The following EPS15L1 variants were observed in gnomAD, a reference collection of about 807,000 sequenced individuals.
The protein encoded by EPS15L1 is epidermal growth factor receptor pathway substrate 15 like 1.
A neutral mutation model predicts 117.1 loss-of-function variants in EPS15L1; 43 were observed. That is an observed-to-expected ratio of 0.37 (90% CI 0.29 to 0.47). The LOEUF (loss-of-function observed/expected upper bound fraction) is 0.47, where lower values mean the gene tolerates loss of function less well. Among genes scored for constraint, EPS15L1 ranks in the 20% least tolerant of loss-of-function variants. The pLI is 0.99. For synonymous variants in EPS15L1, 459 were observed against 470.5 expected (o/e 0.98, Z 0.32); for missense variants, 981 against 1,164.0 (o/e 0.84, Z 2.29).
At chr19:16,367,151 C>T (rs1457917517) in intron 22 of EPS15L1, among the ~76,000 whole-genome samples, 1 of 151,508 alleles carries the variant, frequency 6.6e-6, no homozygotes, top group Non-Finnish European at 1.5e-5. Flanking sequence ...GGTATAGAAA[C>T]ATCTGGGAAT....
chr19:16,383,746 C>T lies in EPS15L1; in HGVS notation c.2247+1383G>A, dbSNP rs928514612. 1 of 152,420 alleles carries T rather than the reference C, an allele frequency of 6.6e-6. No individual in the cohort carries two copies. Among genetic ancestry groups the T allele is most frequent in the South Asian group, 2.1e-4 (1 of 4,832 alleles). The allele number at this position is 152,420 out of a possible 1,614,324, so 9.4% of individuals were successfully genotyped here. On this transcript the variant is annotated intron_variant, in intron 21 of 23. Transcript: ENST00000455140. The surrounding 1 kb of genome is among the most constrained non-coding windows in gnomAD (Gnocchi z 5.2). ...CCTGAACAGAATCTCAAGTGCTTCT[C>T]GGAATCTGTGTTCTGTGATCACAAG...
intron 1 of EPS15L1, among the ~76,000 whole-genome samples, chr19:16,456,572 G>A (rs370094877): frequency 1.3e-4 from 19 of 151,246 alleles, no homozygotes; most frequent in East Asian, 4.0e-4. Flanking sequence ...CGGGAGAACC[G>A]CTTGAACCCA....
At chr19:16,450,726 A>G (rs889668390) in intron 1 of EPS15L1, among the ~76,000 whole-genome samples, 21 of 150,018 alleles carry the variant, frequency 1.4e-4, no homozygotes, top group African/African-American at 4.4e-4. Context: ...CAGGTGATCC[A>G]CCCGCCTCAG....
rs1272168217 is a variant in EPS15L1 at position 16,433,748 on chromosome 19, G to A, written c.498+617C>T. 2.0e-5 allele frequency among the ~76,000 whole-genome samples: 3 copies of A among 151,846 alleles called. 1 individual carries two copies. Among genetic ancestry groups the A allele is most frequent in the South Asian group, 4.2e-4 (2 of 4,810 alleles). On this transcript the variant is annotated intron_variant, in intron 7 of 23. Coordinates refer to ENST00000455140, the MANE Select transcript of EPS15L1 (RefSeq NM_001258374.3). ...TTGGGAGGCCGAGGCGGGTGAATCT[G>A]AGATAGGAGTTTGGGACCAGCCTGG... is the stretch of plus-strand genomic sequence containing the variant.
intron 1 of EPS15L1, among the ~76,000 whole-genome samples, chr19:16,454,819 C>CT (rs538990101): frequency 0.083 from 11,917 of 143,488 alleles, 565 homozygotes; most frequent in Non-Finnish European, 0.11. Context: ...TTTCTTTTTT[C>CT]TTTTTTTTTT....
chr19:16,464,692 T>G (rs1435572063), intron 1 of EPS15L1, among the ~76,000 whole-genome samples: 1 of 152,126 alleles, frequency 6.6e-6, no homozygotes, highest in South Asian at 2.1e-4. Context: ...TTGGCTTCCC[T>G]GGGCCACACT....
At chr19:16,411,026 T>A (rs995625576) in intron 13 of EPS15L1, among the ~76,000 whole-genome samples, 1 of 152,092 alleles carries the variant, frequency 6.6e-6, no homozygotes, top group Non-Finnish European at 1.5e-5. Context: ...TGATGCTGAG[T>A]GGAAGAAGCC....
chr19:16,416,601 CA>C (rs1001772939), intron 12 of EPS15L1, among the ~76,000 whole-genome samples: 2 of 151,058 alleles, frequency 1.3e-5, no homozygotes, highest in Non-Finnish European at 2.9e-5. Context: ...CACACCACTG[CA>C]CTCCAGCCTA....
chr19:16,358,691 C>T (rs1281354086), intron 23 of EPS15L1, among the ~76,000 whole-genome samples: 1 of 152,234 alleles, frequency 6.6e-6, no homozygotes, highest in Non-Finnish European at 1.5e-5. Context: ...CCGGGAGGCG[C>T]CCGGCACCTG....
rs1459260023 is a variant in EPS15L1, at chr19:16,355,445, C to T, written c.*260G>A. ...TGTGTGTTCGTCCCCAGAGGAAGAG[C>T]GGGAGGCAGTCAGCCCCGGGGGGGA... On this transcript the variant is annotated 3_prime_UTR_variant, in exon 24 of 24. Transcript: ENST00000455140. The T allele has an allele frequency of 4.5e-6, 2 of 444,188 alleles. No homozygotes were observed. The highest frequency in any genetic ancestry group is 2.0e-5 in the African/African-American group (1 of 51,250). The allele number at this position is 444,188 out of a possible 1,614,324, so 27.5% of individuals were successfully genotyped here.
chr19:16,447,274 C>T (rs577104394), intron 1 of EPS15L1, among the ~76,000 whole-genome samples: 1 of 152,252 alleles, frequency 6.6e-6, no homozygotes, highest in East Asian at 1.9e-4. Context: ...CCAACTGCTC[C>T]ATCAGAGGTT....
At chr19:16,391,913 G>A (rs73931909) in intron 19 of EPS15L1, among the ~76,000 whole-genome samples, 5,160 of 152,136 alleles carry the variant, frequency 0.034, 316 homozygotes, top group African/African-American at 0.12. Context: ...GGGTGGCCGG[G>A]TCCATGCGAG....
At chr19:16,409,123 C>A (rs2092683679) in intron 13 of EPS15L1, among the ~76,000 whole-genome samples, 1 of 152,122 alleles carries the variant, frequency 6.6e-6, no homozygotes, top group African/African-American at 2.4e-5. Context: ...CCTAGCTACT[C>A]AGGAAGCTGA....
chr19:16,374,649 G>A (rs1372685485), intron 22 of EPS15L1, among the ~76,000 whole-genome samples: 1 of 152,200 alleles, frequency 6.6e-6, no homozygotes, highest in Non-Finnish European at 1.5e-5. Flanking sequence ...TTAGGTACGT[G>A]GGGAGGCGGG....
intron 1 of EPS15L1, among the ~76,000 whole-genome samples, chr19:16,443,160 C>T (rs922206950): frequency 6.6e-6 from 1 of 152,156 alleles, no homozygotes; most frequent in Non-Finnish European, 1.5e-5. Context: ...GTGAAGAATG[C>T]ACAATGACAC....
intron 12 of EPS15L1, among the ~76,000 whole-genome samples, chr19:16,417,017 G>A (rs552929297): frequency 1.2e-4 from 18 of 152,302 alleles, no homozygotes; most frequent in Admixed American, 4.6e-4. Flanking sequence ...CCCGCTCCTC[G>A]CCATCTGAGA....
At chr19:16,452,513 G>A (rs904824498) in intron 1 of EPS15L1, among the ~76,000 whole-genome samples, 4 of 150,576 alleles carry the variant, frequency 2.7e-5, no homozygotes, top group East Asian at 2.0e-4. Flanking sequence ...CCAGCTACTC[G>A]AGAAGCTAAG....
intron 6 of EPS15L1, among the ~76,000 whole-genome samples, chr19:16,435,698 CAG>C (rs143149888): frequency 0.079 from 12,022 of 152,090 alleles, 546 homozygotes; most frequent in Non-Finnish European, 0.11. Flanking sequence ...CTTGCTGACT[CAG>C]TGCCTTCAGA....
intron 23 of EPS15L1, among the ~76,000 whole-genome samples, chr19:16,359,356 A>C (rs2092022279): frequency 6.6e-6 from 1 of 152,212 alleles, no homozygotes. Flanking sequence ...GAGCCCCCGA[A>C]TGCCGTGAAC....
Sources: gnomAD v4.1 joint callset for allele counts (sites outside exome capture counted in the v4.1 genomes callset) on GRCh38, gnomAD v4.1.1 for gene constraint, Gnocchi (gnomAD v3.1) non-coding constraint, MANE v1.5 for transcripts, NCBI Gene and HGNC (gene_info 2026-07-23, HGNC 2026-07-21) for gene names.